Variants in BLTP3B observed in about 807,000 individuals in gnomAD.
BLTP3B encodes UHRF1 (ICBP90) binding protein 1-like.
chr12:100,140,210 AG>A, the BLTP3B span, among the ~76,000 whole-genome samples: 1 of 152,164 alleles, frequency 6.6e-6, no homozygotes, highest in Non-Finnish European at 1.5e-5. Flanking sequence ...TATTTTTCTT[AG>A]GAGATGACAG....
the BLTP3B span, among the ~76,000 whole-genome samples, chr12:100,079,675 TAAGTA>T: frequency 6.6e-6 from 1 of 152,160 alleles, no homozygotes; most frequent in Non-Finnish European, 1.5e-5. Context: ...GAAATTTGCG[TAAGTA>T]AAGAGAAGCC....
the BLTP3B span, among the ~76,000 whole-genome samples, chr12:100,050,563 T>G: frequency 3.9e-5 from 6 of 152,312 alleles, no homozygotes; most frequent in South Asian, 1.2e-3. Flanking sequence ...TAATATATTT[T>G]TCAAGTCTCC....
At chr12:100,056,123 G>A in the BLTP3B span, among the ~76,000 whole-genome samples, 4 of 152,204 alleles carry the variant, frequency 2.6e-5, no homozygotes, top group Admixed American at 1.3e-4. Flanking sequence ...TGAAATTCAT[G>A]TGTTGGCAAA....
the BLTP3B span, among the ~76,000 whole-genome samples, chr12:100,063,940 T>C: frequency 3.3e-5 from 5 of 151,358 alleles, no homozygotes; most frequent in Non-Finnish European, 7.4e-5. Flanking sequence ...CAAGAAGAAA[T>C]CCCTGATTTA....
At chr12:100,046,520 G>GT in the BLTP3B span, among the ~76,000 whole-genome samples, 1 of 128,486 alleles carries the variant, frequency 7.8e-6, no homozygotes, top group South Asian at 2.5e-4. Flanking sequence ...AGTGGGAGTT[G>GT]AACAATGAGA....
chr12:100,130,742 C>A, the BLTP3B span, among the ~76,000 whole-genome samples: 1 of 151,936 alleles, frequency 6.6e-6, no homozygotes, highest in Admixed American at 6.6e-5. Context: ...ATGGTGAAAC[C>A]CTGTCTCTAC....
chr12:100,119,097 G>C, the BLTP3B span, among the ~76,000 whole-genome samples: 2 of 151,898 alleles, frequency 1.3e-5, no homozygotes, highest in African/African-American at 4.8e-5. Context: ...GCCAGACTCT[G>C]TCTCAAAAAT....
the BLTP3B span, among the ~76,000 whole-genome samples, chr12:100,105,595 A>C: frequency 6.6e-6 from 1 of 152,224 alleles, no homozygotes; most frequent in Non-Finnish European, 1.5e-5. Flanking sequence ...ACTGTGGAAG[A>C]AAACCTAGGA....
the BLTP3B span, among the ~76,000 whole-genome samples, chr12:100,118,355 G>A: frequency 6.6e-6 from 1 of 152,052 alleles, no homozygotes; most frequent in Admixed American, 6.6e-5. Flanking sequence ...TCACACTACT[G>A]CACTCCAGTC....
chr12:100,142,467 G>A, the BLTP3B span: 1 of 1,066,836 alleles, frequency 9.4e-7, no homozygotes, highest in African/African-American at 1.7e-5. Context: ...CCCGGCCAGA[G>A]CGGGGAAGTC....
chr12:100,136,908 C>T, the BLTP3B span, among the ~76,000 whole-genome samples: 1 of 151,994 alleles, frequency 6.6e-6, no homozygotes, highest in Admixed American at 6.6e-5. Flanking sequence ...ACCTCCCGGG[C>T]TCAAGCAATT....
chr12:100,064,106 GAATA>G, the BLTP3B span, among the ~76,000 whole-genome samples: 753 of 152,118 alleles, frequency 5.0e-3, 5 homozygotes, highest in Non-Finnish European at 8.2e-3. Context: ...AAAACTTCAG[GAATA>G]AATAGACACA....
chr12:100,115,216 T>A, the BLTP3B span, among the ~76,000 whole-genome samples: 1 of 151,950 alleles, frequency 6.6e-6, no homozygotes, highest in Non-Finnish European at 1.5e-5. Context: ...GACCAGCCTG[T>A]CCAACACGCG....
chr12:100,072,750 G>C, the BLTP3B span: 1 of 1,607,888 alleles, frequency 6.2e-7, no homozygotes, highest in Non-Finnish European at 8.5e-7. Context: ...GGAAGATATA[G>C]GGATTTTTTA....
At chr12:100,087,995 G>A in the BLTP3B span, among the ~76,000 whole-genome samples, 3 of 152,066 alleles carry the variant, frequency 2.0e-5, no homozygotes, top group Non-Finnish European at 2.9e-5. Flanking sequence ...CACAAACCCC[G>A]AATCTTCCTC....
At chr12:100,078,674 G>C in the BLTP3B span, among the ~76,000 whole-genome samples, 1 of 152,086 alleles carries the variant, frequency 6.6e-6, no homozygotes, top group Non-Finnish European at 1.5e-5. Flanking sequence ...ATCTATATAG[G>C]GTTCCACATC....
the BLTP3B span, among the ~76,000 whole-genome samples, chr12:100,047,073 A>G: frequency 2.6e-5 from 4 of 152,312 alleles, no homozygotes; most frequent in African/African-American, 7.2e-5. Flanking sequence ...ACTTTATTAC[A>G]ATGTACTGAA....
chr12:100,059,365 T>C, the BLTP3B span: 3 of 1,614,042 alleles, frequency 1.9e-6, no homozygotes, highest in Non-Finnish European at 2.5e-6. Flanking sequence ...GTATATGTTT[T>C]ACTAAAAAAA....
At chr12:100,076,957 A>C in the BLTP3B span, among the ~76,000 whole-genome samples, 1 of 152,264 alleles carries the variant, frequency 6.6e-6, no homozygotes, top group Admixed American at 6.5e-5. Flanking sequence ...GGTTGCGTAT[A>C]TATATGTGGG....
Sources: allele counts gnomAD v4.1 joint callset (sites outside exome capture counted in the v4.1 genomes callset), GRCh38; gene constraint gnomAD v4.1.1; transcripts MANE v1.5; gene names NCBI Gene and HGNC (gene_info 2026-07-23, HGNC 2026-07-21).